ATP1B3: variants seen among roughly 807,000 people sequenced by gnomAD.
The protein encoded by ATP1B3 is ATPase Na+/K+ transporting subunit beta 3.
In ATP1B3, 10 loss-of-function variants were observed where a neutral mutation model predicts 30.2. The ratio of observed to expected loss-of-function variants is 0.33; its 90% CI spans 0.20 to 0.56. The LOEUF (loss-of-function observed/expected upper bound fraction) is 0.56, where lower values mean the gene tolerates loss of function less well. Ranked by LOEUF, ATP1B3 falls within the 20% of genes least tolerant of loss-of-function variation. ATP1B3 has a pLI of 0.90. For synonymous variants in ATP1B3, 113 were observed against 117.0 expected (o/e 0.97, Z 0.22); for missense variants, 238 against 336.7 (o/e 0.71, Z 2.29).
chr3:141,892,138 A>G (rs1166211879), intron 1 of ATP1B3, among the ~76,000 whole-genome samples: 2 of 152,128 alleles, frequency 1.3e-5, no homozygotes, highest in Admixed American at 6.5e-5. Context: ...GGTGAATTTT[A>G]TAACTCTGCT....
intron 1 of ATP1B3, 38 bp downstream of exon 1, chr3:141,876,948 G>C: frequency 6.7e-7 from 1 of 1,489,968 alleles, no homozygotes; most frequent in Non-Finnish European, 9.0e-7. Context: ...GGCCGGCCTC[G>C]GTCCCGGGGG....
intron 1 of ATP1B3, among the ~76,000 whole-genome samples, chr3:141,888,674 A>G (rs780268588): frequency 1.3e-5 from 2 of 152,140 alleles, no homozygotes; most frequent in Non-Finnish European, 2.9e-5. Flanking sequence ...TAATCCCCAC[A>G]TGCCATGGGA....
At chr3:141,918,424 T>C (rs1934506841) in intron 5 of ATP1B3, 1 of 151,750 alleles carries the variant, frequency 6.6e-6, no homozygotes, top group African/African-American at 2.4e-5. Context: ...CTTTGGTCAG[T>C]ATAAACAATT....
At chr3:141,901,554 T>C (rs2107771687) in intron 1 of ATP1B3, among the ~76,000 whole-genome samples, 1 of 152,334 alleles carries the variant, frequency 6.6e-6, no homozygotes, top group Non-Finnish European at 1.5e-5. Context: ...TGGCCACTAG[T>C]ATATGGCATC....
rs188830160 is a variant in ATP1B3, at chr3:141,904,404, C to T, written c.238+656C>T. 5.3e-4 allele frequency among the ~76,000 whole-genome samples: 81 copies of T among 151,676 alleles called. 1 individual carries two copies. Among genetic ancestry groups the T allele is most frequent in the Admixed American group, 4.3e-3 (66 of 15,220 alleles). ...ATAGTTATGAGTGACTTATGAGTATCGTAGAGCAGTTTTACTTTGCCTTGA... is the reference window on the plus strand; with the variant it reads ...ATAGTTATGAGTGACTTATGAGTATTGTAGAGCAGTTTTACTTTGCCTTGA... On this transcript the variant is annotated intron_variant, in intron 2 of 6. Transcript: ENST00000286371.
chr3:141,924,305 T>C (rs111610868), intron 6 of ATP1B3, among the ~76,000 whole-genome samples: 9,722 of 141,826 alleles, frequency 0.069, 364 homozygotes, highest in Middle Eastern at 0.18. Context: ...GATTGCACCA[T>C]TGCACTCCAG....
chr3:141,921,811 A>G, intron 5 of ATP1B3, 166 bp from the exon 6 acceptor site: 1 of 475,680 alleles, frequency 2.1e-6, no homozygotes, highest in Non-Finnish European at 3.7e-6. Flanking sequence ...TTTGCAATCA[A>G]GATGAGCAAG....
At chr3:141,881,060 C>T (rs556562533) in intron 1 of ATP1B3, among the ~76,000 whole-genome samples, 3 of 152,076 alleles carry the variant, frequency 2.0e-5, no homozygotes, top group Non-Finnish European at 2.9e-5. Context: ...AAAATTAGCC[C>T]GGCATGGTGG....
intron 1 of ATP1B3, among the ~76,000 whole-genome samples, chr3:141,903,379 G>T (rs1934202519): frequency 6.6e-6 from 1 of 152,106 alleles, no homozygotes; most frequent in African/African-American, 2.4e-5. Flanking sequence ...GGTGGAAGCT[G>T]CTTTAACTTG....
At chr3:141,886,430 A>G (rs1933835827) in intron 1 of ATP1B3, among the ~76,000 whole-genome samples, 1 of 152,310 alleles carries the variant, frequency 6.6e-6, no homozygotes, top group East Asian at 1.9e-4. Flanking sequence ...TATAACATCT[A>G]AAATGTTGTA....
At chr3:141,894,399 C>T (rs778538284) in intron 1 of ATP1B3, among the ~76,000 whole-genome samples, 2 of 151,940 alleles carry the variant, frequency 1.3e-5, no homozygotes, top group Non-Finnish European at 2.9e-5. Flanking sequence ...TTCAAGCAAT[C>T]TTCCCATCTC....
At chr3:141,899,252 T>G (rs879608107) in intron 1 of ATP1B3, among the ~76,000 whole-genome samples, 2 of 152,234 alleles carry the variant, frequency 1.3e-5, no homozygotes, top group Non-Finnish European at 2.9e-5. Flanking sequence ...TTTTAAAAAT[T>G]CAAATATACA....
chr3:141,879,778 C>CAAAAAAAAAAAAAAA (rs199509329), intron 1 of ATP1B3, among the ~76,000 whole-genome samples: 1 of 57,610 alleles, frequency 1.7e-5, no homozygotes, highest in Non-Finnish European at 3.2e-5. Context: ...GTCTCCATCT[C>CAAAAAAAAAAAAAAA]AAAAAAAAAA....
intron 3 of ATP1B3, among the ~76,000 whole-genome samples, chr3:141,909,390 C>A (rs920134562): frequency 1.3e-5 from 2 of 152,100 alleles, no homozygotes; most frequent in African/African-American, 2.4e-5. Flanking sequence ...AGCTTAGACT[C>A]ATGGTGAATT....
Position 141,925,759 on chromosome 3 carries a change from A to G in ATP1B3, c.*58A>G. ...GTGTTGTCTGTCTTCATTTTGTAAC[A>G]GCTGGACCTTCCATTCTAGAATTAT... On this transcript the variant is annotated 3_prime_UTR_variant, in exon 7 of 7. Coordinates refer to ENST00000286371, the MANE Select transcript of ATP1B3 (RefSeq NM_001679.4). 1.3e-6 allele frequency: 2 copies of G among 1,556,376 alleles called. No homozygotes were observed. Among genetic ancestry groups the G allele is most frequent in the Non-Finnish European group, 1.7e-6 (2 of 1,150,078 alleles).
chr3:141,891,701 C>T (rs984904431), intron 1 of ATP1B3, among the ~76,000 whole-genome samples: 6 of 151,628 alleles, frequency 4.0e-5, no homozygotes, highest in Admixed American at 6.6e-5. Context: ...TTTTGTTAGT[C>T]GTATATTTTA....
At chr3:141,889,782 CA>C (rs1933906439) in intron 1 of ATP1B3, among the ~76,000 whole-genome samples, 1 of 141,880 alleles carries the variant, frequency 7.0e-6, no homozygotes, top group African/African-American at 2.6e-5. Flanking sequence ...CACACACACA[CA>C]CACACACACA....
At chr3:141,910,331 T>C in intron 3 of ATP1B3, among the ~76,000 whole-genome samples, 1 of 152,168 alleles carries the variant, frequency 6.6e-6, no homozygotes, top group South Asian at 2.1e-4. Context: ...TTTCTTACGG[T>C]GTTTTTCTTC....
intron 1 of ATP1B3, among the ~76,000 whole-genome samples, chr3:141,893,176 T>A (rs1376792075): frequency 6.6e-6 from 1 of 152,012 alleles, no homozygotes; most frequent in Non-Finnish European, 1.5e-5. Context: ...ACCTGACTAA[T>A]TTTTTTATTT....
Sources: allele counts gnomAD v4.1 joint callset (sites outside exome capture counted in the v4.1 genomes callset), GRCh38; gene constraint gnomAD v4.1.1; transcripts MANE v1.5; gene names NCBI Gene and HGNC (gene_info 2026-07-23, HGNC 2026-07-21).